SLIT1: variants seen among roughly 807,000 people sequenced by gnomAD.
SLIT1 encodes the protein slit homolog 1 protein.
A neutral mutation model predicts 186.1 loss-of-function variants in SLIT1; 66 were observed. The ratio of observed to expected loss-of-function variants is 0.35; its 90% CI spans 0.29 to 0.44. SLIT1 has a LOEUF of 0.44. SLIT1 is among the 20% of genes least tolerant of loss of function. The pLI is 1.00. For missense variants in SLIT1, 1,638 were observed against 2,037.4 expected (o/e 0.80, Z 3.77); for synonymous variants, 761 against 833.8 (o/e 0.91, Z 1.50).
rs1172902944 is a variant in SLIT1 at position 97,059,441 on chromosome 10, C to A, written c.1085+19G>T. The A allele has an allele frequency of 1.2e-6, 2 of 1,609,976 alleles. No homozygotes were observed. Among genetic ancestry groups the A allele is most frequent in the South Asian group, 2.2e-5 (2 of 91,000 alleles). On this transcript the variant is annotated intron_variant, in intron 11 of 36. Coordinates refer to ENST00000266058, the MANE Select transcript of SLIT1 (RefSeq NM_003061.3). ...GGGATGCCCTGGGCCACTGAGGAAG[C>A]CTTGGCACTGCTACTCACAGCGAGT...
intron 25 of SLIT1, among the ~76,000 whole-genome samples, chr10:97,028,926 C>A (rs1282529009): frequency 6.6e-6 from 1 of 152,166 alleles, no homozygotes; most frequent in Non-Finnish European, 1.5e-5. Flanking sequence ...TGAGGCAGAG[C>A]CCCTTACCCC....
chr10:97,168,307 C>T (rs1018735429), intron 1 of SLIT1, among the ~76,000 whole-genome samples: 9 of 151,992 alleles, frequency 5.9e-5, no homozygotes, highest in Admixed American at 1.3e-4. Flanking sequence ...TTTCAATTTC[C>T]CAAAAAATAA....
chr10:97,116,732 G>T (rs1849513490), intron 4 of SLIT1, among the ~76,000 whole-genome samples: 1 of 152,186 alleles, frequency 6.6e-6, no homozygotes, highest in African/African-American at 2.4e-5. Flanking sequence ...GGCTGGGGGT[G>T]GGAGAGCCTG....
At chr10:97,165,448 G>A (rs1178714862) in intron 1 of SLIT1, among the ~76,000 whole-genome samples, 3 of 152,096 alleles carry the variant, frequency 2.0e-5, no homozygotes, top group Non-Finnish European at 2.9e-5. Flanking sequence ...CAATTTTAAA[G>A]GACTGAGGAA....
At chr10:97,118,334 T>A (rs2636814) in intron 4 of SLIT1, among the ~76,000 whole-genome samples, 4 of 152,026 alleles carry the variant, frequency 2.6e-5, no homozygotes, top group Non-Finnish European at 4.4e-5. Context: ...CCCAAAGAAC[T>A]CAGGGCCTTC....
At chr10:97,168,133 T>A (rs531991305) in intron 1 of SLIT1, among the ~76,000 whole-genome samples, 1 of 152,306 alleles carries the variant, frequency 6.6e-6, no homozygotes, top group Admixed American at 6.5e-5. Flanking sequence ...CAAGGTGACC[T>A]TAGTTTCTTT....
At chr10:97,054,094 G>A (rs1848815138) in intron 13 of SLIT1, among the ~76,000 whole-genome samples, 1 of 151,890 alleles carries the variant, frequency 6.6e-6, no homozygotes, top group African/African-American at 2.4e-5. Flanking sequence ...ACAACCGCTC[G>A]GCTTCTGGTG....
intron 1 of SLIT1, among the ~76,000 whole-genome samples, chr10:97,181,727 G>T (rs1283784008): frequency 1.3e-5 from 2 of 152,140 alleles, no homozygotes; most frequent in Non-Finnish European, 2.9e-5. Flanking sequence ...AATGTGCTGG[G>T]CCTGGAGGCA....
At position 97,010,890 on chromosome 10, in the gene SLIT1, C is replaced by A; in HGVS notation, c.3341+103G>T. 1 of 1,136,208 alleles carries A rather than the reference C, an allele frequency of 8.8e-7. No individual in the cohort carries two copies. The highest frequency in any genetic ancestry group is 2.4e-5 in the East Asian group (1 of 41,246). The allele number at this position is 1,136,208 out of a possible 1,614,324, so 70.4% of individuals were successfully genotyped here. On this transcript the variant is annotated intron_variant, in intron 31 of 36. Coordinates refer to ENST00000266058, the MANE Select transcript of SLIT1 (RefSeq NM_003061.3). This position sits in a 1 kb window ranked among gnomAD's most constrained non-coding sequence, Gnocchi z 4.8. ...AAAACCCCAGCATCCAACTTCCAGGCTCTGACCCACACCCCTTTCCTTCGC... is the reference window on the plus strand; with the variant it reads ...AAAACCCCAGCATCCAACTTCCAGGATCTGACCCACACCCCTTTCCTTCGC...
chr10:97,019,236 G>A, intron 26 of SLIT1, 129 bp from the exon 27 acceptor site: 1 of 644,572 alleles, frequency 1.6e-6, no homozygotes, highest in South Asian at 1.9e-5. Flanking sequence ...CCCAGATCGT[G>A]CTCACACTCC....
At chr10:97,102,605 T>C (rs1849370721) in intron 4 of SLIT1, 1 of 152,282 alleles carries the variant, frequency 6.6e-6, no homozygotes, top group Admixed American at 6.5e-5. Context: ...CATGCTGCCA[T>C]GATCACTCTG....
At chr10:97,162,326 A>G (rs1157073215) in intron 3 of SLIT1, among the ~76,000 whole-genome samples, 1 of 152,122 alleles carries the variant, frequency 6.6e-6, no homozygotes, top group African/African-American at 2.4e-5. Flanking sequence ...GTAATGTGCA[A>G]TGGCCAGGCA....
At chr10:97,057,840 A>C (rs1481625230) in intron 11 of SLIT1, 1 of 568,534 alleles carries the variant, frequency 1.8e-6, no homozygotes, top group Non-Finnish European at 3.2e-6. Context: ...AGTTCAAAAA[A>C]ACACATGTAG....
intron 28 of SLIT1, among the ~76,000 whole-genome samples, chr10:97,016,265 C>T (rs774767954): frequency 6.6e-6 from 1 of 151,548 alleles, no homozygotes; most frequent in Non-Finnish European, 1.5e-5. Context: ...GTCGAGATCT[C>T]GCCACTGCAC....
intron 4 of SLIT1, among the ~76,000 whole-genome samples, chr10:97,087,706 C>T (rs759146250): frequency 1.3e-5 from 2 of 152,092 alleles, no homozygotes; most frequent in Non-Finnish European, 2.9e-5. Flanking sequence ...GTAGTAACAT[C>T]CCTAGATCTG....
At chr10:97,134,607 C>A (rs2134697593) in intron 4 of SLIT1, among the ~76,000 whole-genome samples, 1 of 152,298 alleles carries the variant, frequency 6.6e-6, no homozygotes, top group Non-Finnish European at 1.5e-5. Flanking sequence ...GGACAAAATT[C>A]TCTCTGAGCC....
In SLIT1 at chr10:97,046,701, C is replaced by G; in HGVS notation, c.1806G>C (p.Glu602Asp). The change falls in exon 18 of 37, where the codon GAG becomes GAC. Residue 602 changes from glutamate (E) to aspartate (D), a missense_variant. By Grantham distance (45) the Glu-to-Asp change is conservative. Around this residue, in one of 3 missense-constraint regions of SLIT1, gnomAD observed 1,245 missense variants for 1,535.3 expected, o/e 0.81. Coordinates refer to ENST00000266058, the MANE Select transcript of SLIT1 (RefSeq NM_003061.3). The stretch of plus-strand genomic sequence containing the variant: ...CCCGGAACATGCCGCTCCGGATGGA[C>G]TCCAGCTGGTTGGCAGTTAGGTGCA... ...SELHLTANQL[E>D]SIRSGMFRGL... is the part of the protein sequence containing the mutation. 1 of 1,611,970 alleles carries G rather than the reference C, an allele frequency of 6.2e-7. No individual in the cohort carries two copies. The highest frequency in any genetic ancestry group is 8.5e-7 in the Non-Finnish European group (1 of 1,180,026).
At chr10:97,163,985 A>G (rs923380775) in intron 2 of SLIT1, among the ~76,000 whole-genome samples, 9 of 152,016 alleles carry the variant, frequency 5.9e-5, no homozygotes, top group African/African-American at 2.2e-4. Flanking sequence ...GGCAGACAAC[A>G]CCCTGTCTCC....
chr10:97,032,328 G>A (rs1848598668), intron 23 of SLIT1, among the ~76,000 whole-genome samples: 1 of 152,108 alleles, frequency 6.6e-6, no homozygotes, highest in South Asian at 2.1e-4. Context: ...CAGCACTTTG[G>A]GAAGCTGAGG....
Sources: allele counts gnomAD v4.1 joint callset (sites outside exome capture counted in the v4.1 genomes callset), GRCh38; gene constraint gnomAD v4.1.1; regional missense constraint gnomAD v4.1.1; non-coding constraint Gnocchi (gnomAD v3.1); transcripts MANE v1.5; gene names NCBI Gene and HGNC (gene_info 2026-07-23, HGNC 2026-07-21).